The following ME3 variants were observed in gnomAD, a reference collection of about 807,000 sequenced individuals.
ME3 encodes NADP-dependent malic enzyme, mitochondrial.
Under a neutral mutation model 68.9 loss-of-function variants are expected in ME3, and 48 were observed. The ratio of observed to expected loss-of-function variants is 0.70; its 90% CI spans 0.55 to 0.89. The LOEUF is 0.89. Ranked by LOEUF, ME3 falls within the 40% of genes least tolerant of loss-of-function variation. The pLI is 0.00. For synonymous variants in ME3, 320 were observed against 318.8 expected (o/e 1.00, Z -0.04); for missense variants, 675 against 797.4 (o/e 0.85, Z 1.85).
chr11:86,556,526 C>T (rs376992216), intron 4 of ME3, 27 bp downstream of exon 4: 118 of 1,605,660 alleles, frequency 7.3e-5, no homozygotes, highest in Non-Finnish European at 9.6e-5. Flanking sequence ...CAGCCCCTCC[C>T]AGAGCCCTCA....
intron 2 of ME3, among the ~76,000 whole-genome samples, chr11:86,652,662 C>G (rs61904298): frequency 0.44 from 66,375 of 149,884 alleles, 16,432 homozygotes; most frequent in Non-Finnish European, 0.56. Flanking sequence ...AAAGACCATC[C>G]ACGCTAGGAA....
intron 7 of ME3, among the ~76,000 whole-genome samples, chr11:86,469,620 T>G (rs1162849015): frequency 6.6e-6 from 1 of 152,232 alleles, no homozygotes; most frequent in African/African-American, 2.4e-5. Context: ...TTTGCAATTT[T>G]GAACTCTTCA....
chr11:86,436,623 A>G (rs1444518760), downstream of ME3: 1 of 152,146 alleles, frequency 6.6e-6, no homozygotes, highest in East Asian at 1.9e-4. Flanking sequence ...TAGAAATTTT[A>G]CAGTTTTAGC....
chr11:86,637,976 AC>A, intron 2 of ME3, among the ~76,000 whole-genome samples: 1 of 145,554 alleles, frequency 6.9e-6, no homozygotes, highest in Non-Finnish European at 1.5e-5. Context: ...ATACACACAC[AC>A]ACACACACAC....
intron 2 of ME3, among the ~76,000 whole-genome samples, chr11:86,592,001 A>T (rs1023462837): frequency 1.3e-5 from 2 of 152,164 alleles, no homozygotes; most frequent in Non-Finnish European, 2.9e-5. Flanking sequence ...GTGTTTTGTT[A>T]TGGGAGCCTG....
intron 4 of ME3, among the ~76,000 whole-genome samples, chr11:86,548,101 T>C (rs1956470569): frequency 6.6e-6 from 1 of 152,124 alleles, no homozygotes; most frequent in Non-Finnish European, 1.5e-5. Context: ...GGCTGAGGAG[T>C]GTCCGTCCTT....
At chr11:86,563,056 T>C (rs1957314590) in intron 2 of ME3, among the ~76,000 whole-genome samples, 1 of 152,196 alleles carries the variant, frequency 6.6e-6, no homozygotes, top group South Asian at 2.1e-4. Context: ...ACATTTTCTT[T>C]ATCCACTCTA....
intron 2 of ME3, among the ~76,000 whole-genome samples, chr11:86,584,541 G>A (rs559345822): frequency 3.7e-4 from 56 of 152,240 alleles, no homozygotes; most frequent in Middle Eastern, 3.4e-3. Context: ...ATGTAGAAAG[G>A]ATCTAAATGT....
At chr11:86,529,223 A>G (rs1283177887) in intron 4 of ME3, among the ~76,000 whole-genome samples, 1 of 152,218 alleles carries the variant, frequency 6.6e-6, no homozygotes, top group Non-Finnish European at 1.5e-5. Flanking sequence ...AGAATACTAC[A>G]AACACCTCTA....
intron 2 of ME3, among the ~76,000 whole-genome samples, chr11:86,643,212 G>C (rs970757935): frequency 1.6e-4 from 25 of 152,132 alleles, no homozygotes; most frequent in African/African-American, 6.0e-4. Flanking sequence ...CCTGGGGCCA[G>C]ATGATCTGTC....
intron 7 of ME3, among the ~76,000 whole-genome samples, chr11:86,485,471 G>C (rs554213197): frequency 5.2e-4 from 79 of 152,254 alleles, no homozygotes; most frequent in African/African-American, 1.9e-3. Flanking sequence ...GCTGACCCTT[G>C]AATTTGCTTT....
chr11:86,496,198 G>C (rs993492296), intron 6 of ME3, among the ~76,000 whole-genome samples: 3 of 152,118 alleles, frequency 2.0e-5, no homozygotes, highest in African/African-American at 7.2e-5. Context: ...TTGAGGTCAG[G>C]AGTTTGAGAC....
At chr11:86,610,723 G>A (rs1488078111) in intron 2 of ME3, among the ~76,000 whole-genome samples, 1 of 152,020 alleles carries the variant, frequency 6.6e-6, no homozygotes, top group Non-Finnish European at 1.5e-5. Flanking sequence ...GGGGTGGCGG[G>A]GGGGCAGGGT....
At chr11:86,587,691 A>G (rs1958821202) in intron 2 of ME3, among the ~76,000 whole-genome samples, 1 of 152,222 alleles carries the variant, frequency 6.6e-6, no homozygotes, top group Admixed American at 6.5e-5. Context: ...GGTTTGTGTG[A>G]GCAAGCATCC....
At chr11:86,498,327 T>C (rs1952501258) in intron 5 of ME3, among the ~76,000 whole-genome samples, 1 of 152,150 alleles carries the variant, frequency 6.6e-6, no homozygotes, top group African/African-American at 2.4e-5. Flanking sequence ...CAAACCCTAC[T>C]GAGAAGAGAT....
chr11:86,599,772 C>A (rs1960264401), intron 2 of ME3, among the ~76,000 whole-genome samples: 1 of 152,144 alleles, frequency 6.6e-6, no homozygotes, highest in African/African-American at 2.4e-5. Flanking sequence ...ACTCTACAAG[C>A]CAGAAGAGAG....
intron 4 of ME3, among the ~76,000 whole-genome samples, chr11:86,521,181 C>G (rs186507287): frequency 9.9e-5 from 15 of 152,202 alleles, no homozygotes; most frequent in Admixed American, 1.3e-4. Flanking sequence ...CGCACGAGGT[C>G]AGGAGATTGA....
At chr11:86,538,900 G>T (rs1263170244) in intron 4 of ME3, among the ~76,000 whole-genome samples, 1 of 152,140 alleles carries the variant, frequency 6.6e-6, no homozygotes, top group East Asian at 1.9e-4. Flanking sequence ...GGGCTTTCTT[G>T]TGATGAGGAA....
At chr11:86,538,030 A>G (rs1427901450) in intron 4 of ME3, among the ~76,000 whole-genome samples, 1 of 152,124 alleles carries the variant, frequency 6.6e-6, no homozygotes, top group Admixed American at 6.5e-5. Flanking sequence ...AAATTCACAA[A>G]TCCATTTCAC....
Sources: gnomAD v4.1 joint callset for allele counts (sites outside exome capture counted in the v4.1 genomes callset) on GRCh38, gnomAD v4.1.1 for gene constraint, MANE v1.5 for transcripts, NCBI Gene and HGNC (gene_info 2026-07-23, HGNC 2026-07-21) for gene names.